The following RAB2B variants were observed in gnomAD, a reference collection of about 807,000 sequenced individuals.
RAB2B encodes the protein RAB2B, member RAS oncogene family, also known as ras-related protein Rab-2B.
Under a neutral mutation model 29.8 loss-of-function variants are expected in RAB2B, and 20 were observed. That is an observed-to-expected ratio of 0.67 (90% CI 0.47 to 0.97). The LOEUF (loss-of-function observed/expected upper bound fraction) is 0.97, where lower values mean the gene tolerates loss of function less well. Among genes scored for constraint, RAB2B ranks in the 50% least tolerant of loss-of-function variants. The probability of loss-of-function intolerance (pLI) is 0.00; values close to 1 mark genes in which losing one functional copy is unlikely to be tolerated. For synonymous variants in RAB2B, 93 were observed against 91.7 expected, an observed-to-expected ratio of 1.01 and a Z score of -0.08; for missense variants, 218 against 272.0, an observed-to-expected ratio of 0.80 and a Z score of 1.40.
intron 5 of RAB2B, among the ~76,000 whole-genome samples, chr14:21,464,371 G>C (rs901953796): frequency 1.3e-5 from 2 of 152,096 alleles, no homozygotes; most frequent in African/African-American, 4.8e-5. Context: ...TTGCACTCCA[G>C]CCTCAGCGAC....
intron 5 of RAB2B, among the ~76,000 whole-genome samples, chr14:21,467,200 C>T (rs956020940): frequency 1.2e-4 from 18 of 152,020 alleles, no homozygotes; most frequent in Non-Finnish European, 2.4e-4. Context: ...AGCCACCACG[C>T]CTGGCATATT....
intron 5 of RAB2B, among the ~76,000 whole-genome samples, chr14:21,468,138 G>A (rs1477853406): frequency 6.6e-6 from 1 of 152,134 alleles, no homozygotes; most frequent in Non-Finnish European, 1.5e-5. Flanking sequence ...GGATGTTGGT[G>A]ATGGCTGTGG....
At chr14:21,467,743 G>A (rs1312404651) in intron 5 of RAB2B, among the ~76,000 whole-genome samples, 1 of 152,084 alleles carries the variant, frequency 6.6e-6, no homozygotes, top group African/African-American at 2.4e-5. Flanking sequence ...TTCAGAGCTG[G>A]GACTTGAACA....
chr14:21,471,496 T>C (rs1274210146), intron 3 of RAB2B, among the ~76,000 whole-genome samples: 8 of 151,460 alleles, frequency 5.3e-5, no homozygotes, highest in Non-Finnish European at 1.2e-4. Flanking sequence ...CACACATCTG[T>C]AGTCCCAGCT....
intron 5 of RAB2B, among the ~76,000 whole-genome samples, chr14:21,465,119 GA>G (rs1253841439): frequency 6.6e-6 from 1 of 152,020 alleles, no homozygotes; most frequent in East Asian, 1.9e-4. Context: ...CAACTCCTTG[GA>G]AAAAAAGTGT....
chr14:21,470,306 G>A (rs950226774), intron 3 of RAB2B, among the ~76,000 whole-genome samples: 9 of 151,958 alleles, frequency 5.9e-5, no homozygotes, highest in African/African-American at 1.2e-4. Context: ...TTTAATAAAC[G>A]GCCCCAAATC....
At chr14:21,474,778 G>T in intron 3 of RAB2B, 89 bp downstream of exon 3, 2 of 1,051,742 alleles carry the variant, frequency 1.9e-6, no homozygotes, top group Non-Finnish European at 3.0e-6. Flanking sequence ...CCCACCATTA[G>T]TTCCACCCTC....
intron 5 of RAB2B, among the ~76,000 whole-genome samples, chr14:21,465,391 G>T (rs886465000): frequency 6.6e-6 from 1 of 152,190 alleles, no homozygotes; most frequent in Non-Finnish European, 1.5e-5. Context: ...CTCAGTAAAT[G>T]GCATAAGCCA....
At chr14:21,463,901 C>CT (rs1890627787) in intron 5 of RAB2B, 134 bp from the exon 6 acceptor site, 2 of 610,994 alleles carry the variant, frequency 3.3e-6, no homozygotes, top group African/African-American at 1.9e-5. Flanking sequence ...ACATGATACT[C>CT]TTATACAGAG....
Position 21,459,568 on chromosome 14 carries a change from T to A in RAB2B, c.*1628A>T, listed in dbSNP as rs1289584368. 1 of 152,218 alleles carries A rather than the reference T, an allele frequency of 6.6e-6. No individual in the cohort carries two copies. The highest frequency in any genetic ancestry group is 1.5e-5 in the Non-Finnish European group (1 of 68,078). The allele number at this position is 152,218 out of a possible 1,614,324, so 9.4% of individuals were successfully genotyped here. A position where few individuals can be genotyped will look rare whatever the true frequency, so the allele number is the denominator to read the frequency against. On this transcript the variant is annotated 3_prime_UTR_variant, in exon 8 of 8. Coordinates refer to ENST00000397762, the MANE Select transcript of RAB2B (RefSeq NM_032846.4). ...ATCCTGCTCTCAAGGAGCTTACAAC[T>A]TATACGGAAAGACAAGATTCCACAC...
Position 21,476,702 on chromosome 14 carries a change from G to A in RAB2B, c.47-103C>T, listed in dbSNP as rs1214000855. On this transcript the variant is annotated intron_variant, in intron 1 of 7. Coordinates refer to ENST00000397762, the MANE Select transcript of RAB2B (RefSeq NM_032846.4). ...GGGGGGCTCCCGAGCCCCGCCCCCG[G>A]CCGCCCCGAACCGCCCCGCCCGTCT... 1.9e-6 allele frequency: 3 copies of A among 1,575,774 alleles called. No individual in the cohort carries two copies. In the South Asian group the frequency reaches 3.3e-5, roughly 18 times the overall value.
At chr14:21,462,296 A>C (rs908641370) in intron 7 of RAB2B, 54 bp downstream of exon 7, 1 of 1,470,172 alleles carries the variant, frequency 6.8e-7, no homozygotes, top group Admixed American at 1.9e-5. Flanking sequence ...GGGAACCTCC[A>C]GTTGTATTCA....
chr14:21,467,124 G>A (rs183185936), intron 5 of RAB2B, among the ~76,000 whole-genome samples: 1 of 151,942 alleles, frequency 6.6e-6, no homozygotes, highest in Non-Finnish European at 1.5e-5. Flanking sequence ...GGCCAGGCTG[G>A]TCTTGAACTC....
rs1890503835 is a variant in RAB2B, at chr14:21,460,064, G to A, written c.*1132C>T. ...AGAGATAGAAGCTAATAATAGGATA[G>A]TAGAGAAGTACTCAGTGCTCTTGGG... is the stretch of plus-strand genomic sequence containing the variant. On this transcript the variant is annotated 3_prime_UTR_variant, in exon 8 of 8. Coordinates refer to ENST00000397762, the MANE Select transcript of RAB2B (RefSeq NM_032846.4). 1 of 486,584 alleles carries A rather than the reference G, an allele frequency of 2.1e-6. No homozygotes were observed. Among genetic ancestry groups the A allele is most frequent in the Non-Finnish European group, 4.1e-6 (1 of 245,770 alleles). 30.1% of individuals were successfully genotyped at this position (486,584 alleles called of 1,614,324 possible). A position where few individuals can be genotyped will look rare whatever the true frequency, so the allele number is the denominator to read the frequency against.
intron 5 of RAB2B, among the ~76,000 whole-genome samples, chr14:21,466,912 T>A (rs1594410516): frequency 1.1e-5 from 1 of 94,868 alleles, no homozygotes. Context: ...AATGAAATAA[T>A]TTTTTTTTTT....
Position 21,462,340 on chromosome 14 carries a change from CCTTT to C in RAB2B, c.543+6_543+9del, listed in dbSNP as rs1313714640. On this transcript the variant is annotated splice_donor_region_variant and intron_variant, in intron 7 of 7. Transcript: ENST00000397762. ...CAAAGTTAACTGCCAGCACTTCTAC[CCTTT>C]CTTACCTCATTGTGGACATCAAATA... 8 of 1,611,006 alleles carry C rather than the reference CCTTT, an allele frequency of 5.0e-6. No individual in the cohort carries two copies. Among genetic ancestry groups the C allele is most frequent in the Non-Finnish European group, 6.8e-6 (8 of 1,178,752 alleles).
intron 3 of RAB2B, among the ~76,000 whole-genome samples, chr14:21,472,938 T>G (rs1287968397): frequency 1.3e-5 from 2 of 152,060 alleles, no homozygotes; most frequent in African/African-American, 4.8e-5. Context: ...AGGCCTGTAA[T>G]CCCAACACTT....
rs1168320496 is a variant in RAB2B at position 21,460,060 on chromosome 14, G to C, written c.*1136C>G. 1.5e-5 allele frequency: 7 copies of C among 474,786 alleles called. No homozygotes were observed. Among genetic ancestry groups the C allele is most frequent in the African/African-American group, 1.4e-4 (7 of 49,894 alleles). 29.4% of individuals were successfully genotyped at this position (474,786 alleles called of 1,614,324 possible). Reference sequence around the variant, plus strand: ...ACTAAGAGATAGAAGCTAATAATAGGATAGTAGAGAAGTACTCAGTGCTCT... The same window carrying C: ...ACTAAGAGATAGAAGCTAATAATAGCATAGTAGAGAAGTACTCAGTGCTCT... On this transcript the variant is annotated 3_prime_UTR_variant, in exon 8 of 8. Coordinates refer to ENST00000397762, the MANE Select transcript of RAB2B (RefSeq NM_032846.4).
intron 4 of RAB2B, 80 bp downstream of exon 4, chr14:21,468,590 G>T: frequency 8.1e-7 from 1 of 1,239,132 alleles, no homozygotes; most frequent in Non-Finnish European, 1.1e-6. Context: ...ATCCTTAACA[G>T]AATCAGTAGA....
Sources: gnomAD v4.1 joint callset for allele counts (sites outside exome capture counted in the v4.1 genomes callset) on GRCh38, gnomAD v4.1.1 for gene constraint, MANE v1.5 for transcripts, NCBI Gene and HGNC (gene_info 2026-07-23, HGNC 2026-07-21) for gene names.